The following CCDC172 variants were observed in gnomAD, a reference collection of about 807,000 sequenced individuals.
CCDC172 encodes coiled-coil domain containing 172.
In CCDC172, 30 loss-of-function variants were observed where a neutral mutation model predicts 38.0. The observed-to-expected ratio is 0.79, with a 90% CI of 0.59 to 1.07. CCDC172 has a LOEUF of 1.07. Ranked by LOEUF, CCDC172 falls within the 50% of genes least tolerant of loss-of-function variation. The pLI is 0.00. For missense variants in CCDC172, 297 were observed against 290.1 expected (o/e 1.02, Z -0.17); for synonymous variants, 78 against 88.3 (o/e 0.88, Z 0.66).
chr10:116,348,489 A>G (rs1189292143), intron 5 of CCDC172, among the ~76,000 whole-genome samples: 1 of 151,450 alleles, frequency 6.6e-6, no homozygotes, highest in Non-Finnish European at 1.5e-5. Context: ...TATTTATACT[A>G]TTTTCTGCTA....
intron 7 of CCDC172, among the ~76,000 whole-genome samples, chr10:116,359,210 G>A (rs1282664000): frequency 1.3e-5 from 2 of 152,204 alleles, no homozygotes; most frequent in South Asian, 2.1e-4. Flanking sequence ...TTAGGAAAGA[G>A]GACTATCAGT....
intron 5 of CCDC172, among the ~76,000 whole-genome samples, chr10:116,348,516 C>A (rs185996975): frequency 6.6e-6 from 1 of 152,002 alleles, no homozygotes; most frequent in Non-Finnish European, 1.5e-5. Flanking sequence ...GTTTTTTTCC[C>A]ACTGCCAGAT....
intron 3 of CCDC172, among the ~76,000 whole-genome samples, chr10:116,331,483 G>C (rs537885001): frequency 6.6e-6 from 1 of 152,266 alleles, no homozygotes; most frequent in African/African-American, 2.4e-5. Flanking sequence ...CTCCACAAGG[G>C]ATAGAAATTA....
chr10:116,368,218 T>A (rs1168117378), intron 7 of CCDC172, among the ~76,000 whole-genome samples: 1 of 152,088 alleles, frequency 6.6e-6, no homozygotes, highest in Non-Finnish European at 1.5e-5. Flanking sequence ...CTAAGTAATA[T>A]ATAGGATGAC....
In CCDC172 at chr10:116,334,284, T is replaced by C. The variant is rs1844702836; in HGVS notation, c.166-6450T>C. On this transcript the variant is annotated intron_variant, in intron 3 of 8. Transcript: ENST00000333254. ...GAAATTCTGAGGCCTTCTACCATTA[T>C]ATTTGGTGAACATGCAGTAGATTAC... 2.6e-5 allele frequency among the ~76,000 whole-genome samples: 4 copies of C among 152,354 alleles called. No homozygotes were observed. The South Asian group carries it at 6.2e-4, about 24-fold the overall frequency.
intron 7 of CCDC172, among the ~76,000 whole-genome samples, chr10:116,373,889 TA>T (rs553470520): frequency 6.6e-6 from 1 of 152,180 alleles, no homozygotes; most frequent in African/African-American, 2.4e-5. Context: ...ATTACAACTT[TA>T]AAAAAATACA....
chr10:116,340,834 T>C lies in CCDC172; in HGVS notation c.266T>C (p.Met89Thr), dbSNP rs765308958. 1.5e-5 allele frequency: 23 copies of C among 1,559,468 alleles called. No homozygotes were observed. The East Asian group carries it at 4.3e-4, about 29-fold the overall frequency. ...QYSEITNHRN[M>T]LLQTFEAIKK... Reference sequence around the variant, plus strand: ...AGTGAAATTACAAACCATAGGAATATGCTTCTTCAAACCTTTGTAAGTTTC... The same window carrying C: ...AGTGAAATTACAAACCATAGGAATACGCTTCTTCAAACCTTTGTAAGTTTC... Residue 89 changes from methionine (M) to threonine (T), a missense_variant, in exon 4 of 9, where the codon ATG (methionine) becomes ACG (threonine). Coordinates refer to ENST00000333254, the MANE Select transcript of CCDC172 (RefSeq NM_198515.3).
chr10:116,328,937 A>C (rs1430124204), intron 3 of CCDC172, among the ~76,000 whole-genome samples: 4 of 152,158 alleles, frequency 2.6e-5, no homozygotes, highest in African/African-American at 9.7e-5. Flanking sequence ...TAATCAAAAA[A>C]ATTTAGATCC....
At chr10:116,350,548 C>A (rs1481325322) in intron 5 of CCDC172, among the ~76,000 whole-genome samples, 1 of 152,074 alleles carries the variant, frequency 6.6e-6, no homozygotes, top group Non-Finnish European at 1.5e-5. Context: ...TTTGGTAATT[C>A]ATAGATAAAA....
chr10:116,341,488 T>C (rs1162053786), intron 4 of CCDC172, among the ~76,000 whole-genome samples: 1 of 152,046 alleles, frequency 6.6e-6, no homozygotes, highest in African/African-American at 2.4e-5. Flanking sequence ...CCACAGTTTT[T>C]GGAAATTCTT....
At chr10:116,325,172 G>C in intron 2 of CCDC172, 82 bp downstream of exon 2, 2 of 1,531,180 alleles carry the variant, frequency 1.3e-6, no homozygotes, top group East Asian at 4.5e-5. Context: ...CCCGAAGGCA[G>C]TGGTCAGAGC....
intron 5 of CCDC172, among the ~76,000 whole-genome samples, chr10:116,346,262 A>G (rs1844865459): frequency 6.8e-6 from 1 of 147,480 alleles, no homozygotes. Context: ...ATTGCACTCC[A>G]GCCTGGGTGA....
At chr10:116,372,774 G>A (rs1241857142) in intron 7 of CCDC172, among the ~76,000 whole-genome samples, 1 of 151,944 alleles carries the variant, frequency 6.6e-6, no homozygotes, top group Non-Finnish European at 1.5e-5. Flanking sequence ...CAGGAAGGAA[G>A]GCAGAAAGAG....
chr10:116,379,241 A>C, intron 8 of CCDC172, 82 bp from the exon 9 acceptor site: 2 of 710,984 alleles, frequency 2.8e-6, no homozygotes, highest in Admixed American at 3.3e-5. Context: ...ATTTATTGTC[A>C]TTAAATTTAG....
At chr10:116,329,512 C>T (rs952741916) in intron 3 of CCDC172, among the ~76,000 whole-genome samples, 1 of 152,074 alleles carries the variant, frequency 6.6e-6, no homozygotes, top group Non-Finnish European at 1.5e-5. Flanking sequence ...CTAGGACAGC[C>T]CCATGCAAAT....
chr10:116,343,670 A>G (rs1844828710), intron 5 of CCDC172, among the ~76,000 whole-genome samples: 1 of 152,080 alleles, frequency 6.6e-6, no homozygotes, highest in Non-Finnish European at 1.5e-5. Flanking sequence ...ATGTAAATAC[A>G]GTGCTCTTAA....
At chr10:116,361,982 A>G (rs1421823134) in intron 7 of CCDC172, among the ~76,000 whole-genome samples, 1 of 152,078 alleles carries the variant, frequency 6.6e-6, no homozygotes, top group African/African-American at 2.4e-5. Context: ...AGGTCAGGAG[A>G]TTGAGACCAT....
rs1449043130 is a variant in CCDC172 at position 116,343,149 on chromosome 10, A to G, written c.448+948A>G. Among the ~76,000 whole-genome samples the G allele has an allele frequency of 3.3e-5, 5 of 152,244 alleles. No individual in the cohort carries two copies. In the East Asian group the frequency reaches 9.7e-4, roughly 29 times the overall value. ...CAAACTTCAGAGATTCTATTATAGC[A>G]TTAGCTTAATGTCCAGTATTTCCTC... On this transcript the variant is annotated intron_variant, in intron 5 of 8. Transcript: ENST00000333254.
At chr10:116,348,122 AATTATCTATTCCTTCAG>A (rs1844888972) in intron 5 of CCDC172, among the ~76,000 whole-genome samples, 1 of 151,540 alleles carries the variant, frequency 6.6e-6, no homozygotes, top group Non-Finnish European at 1.5e-5. Flanking sequence ...TACGTACTAT[AATTATCTATTCCTTCAG>A]GGTTCAAAAG....
Sources: allele counts gnomAD v4.1 joint callset (sites outside exome capture counted in the v4.1 genomes callset), GRCh38; gene constraint gnomAD v4.1.1; transcripts MANE v1.5; gene names NCBI Gene and HGNC (gene_info 2026-07-23, HGNC 2026-07-21).